Variants in JAKMIP1 observed in about 807,000 individuals in gnomAD.
JAKMIP1 encodes the protein janus kinase and microtubule interacting protein 1, also known as janus kinase and microtubule-interacting protein 1.
A neutral mutation model predicts 113.0 loss-of-function variants in JAKMIP1; 33 were observed. The ratio of observed to expected loss-of-function variants is 0.29; its 90% CI spans 0.22 to 0.39. JAKMIP1 has a LOEUF of 0.39. Ranked by LOEUF, JAKMIP1 falls within the 10% of genes least tolerant of loss-of-function variation. JAKMIP1 has a pLI of 1.00. For synonymous variants in JAKMIP1, 480 were observed against 459.9 expected (o/e 1.04, Z -0.56); for missense variants, 813 against 1,080.5 (o/e 0.75, Z 3.47).
At position 6,197,687 on chromosome 4, in the gene JAKMIP1, C is replaced by A. The variant is rs1172538420; in HGVS notation, c.-148+2566G>T. Among the ~76,000 whole-genome samples the A allele has an allele frequency of 1.3e-5, 2 of 152,190 alleles. No individual in the cohort carries two copies. The highest frequency in any genetic ancestry group is 4.8e-5 in the African/African-American group (2 of 41,436). On this transcript the variant is annotated intron_variant, in intron 1 of 20. Coordinates refer to ENST00000409021, the MANE Select transcript of JAKMIP1 (RefSeq NM_001099433.2). This position sits in a 1 kb window ranked among gnomAD's most constrained non-coding sequence, Gnocchi z 6.5. ...ATCCTCAGACTCCCCAAGGGAAGCCCCCATTTAGTTAGAAAGCCCAGCAGG... is the reference window on the plus strand; with the variant it reads ...ATCCTCAGACTCCCCAAGGGAAGCCACCATTTAGTTAGAAAGCCCAGCAGG...
Position 6,029,799 on chromosome 4 carries a change from AC to A in JAKMIP1, c.2380-19del. ...CGGATTCTCTGAAATACACCAGGTT[AC>A]GTGTCAGAAAAAGTAAGTTTTCCAG... On this transcript the variant is annotated intron_variant, in intron 19 of 20. Transcript: ENST00000409021. The A allele has an allele frequency of 1.9e-6, 3 of 1,571,488 alleles. No individual in the cohort carries two copies. Among genetic ancestry groups the A allele is most frequent in the Non-Finnish European group, 2.6e-6 (3 of 1,149,398 alleles).
At chr4:6,110,982 C>G (rs571434993) in intron 2 of JAKMIP1, among the ~76,000 whole-genome samples, 1 of 152,038 alleles carries the variant, frequency 6.6e-6, no homozygotes, top group South Asian at 2.1e-4. Context: ...GCATCCATGT[C>G]TAAAAGAGGC....
rs1714340243 is a variant in JAKMIP1 at position 6,108,468 on chromosome 4, G to A, written c.130-2501C>T. The stretch of plus-strand genomic sequence containing the variant: ...GCCCTGGGGGTGTGGGGGCTGGCGT[G>A]GAGAAATTATCTGAACCACCAGCAC... On this transcript the variant is annotated intron_variant, in intron 2 of 20. Coordinates refer to ENST00000409021, the MANE Select transcript of JAKMIP1 (RefSeq NM_001099433.2). This position sits in a 1 kb window ranked among gnomAD's most constrained non-coding sequence, Gnocchi z 5.6. Among the ~76,000 whole-genome samples the A allele has an allele frequency of 6.6e-6, 1 of 152,146 alleles. No individual in the cohort carries two copies. The highest frequency in any genetic ancestry group is 6.5e-5 in the Admixed American group (1 of 15,270).
intron 1 of JAKMIP1, among the ~76,000 whole-genome samples, chr4:6,124,413 T>G (rs1204089901): frequency 6.6e-6 from 1 of 152,138 alleles, no homozygotes; most frequent in Non-Finnish European, 1.5e-5. Flanking sequence ...AATCCACAAA[T>G]GGGCCTCAGG....
At chr4:6,096,560 T>C (rs553834079) in intron 3 of JAKMIP1, among the ~76,000 whole-genome samples, 1 of 152,364 alleles carries the variant, frequency 6.6e-6, no homozygotes, top group East Asian at 1.9e-4. Context: ...ACAAATTCAT[T>C]TTCAGATCCC....
rs1719707296 is a variant in JAKMIP1, at chr4:6,139,093, C to CAA, written c.-147-26097_-147-26096insTT. On this transcript the variant is annotated intron_variant, in intron 1 of 20. Coordinates refer to ENST00000409021, the MANE Select transcript of JAKMIP1 (RefSeq NM_001099433.2). The surrounding 1 kb of genome is among the most constrained non-coding windows in gnomAD (Gnocchi z 5.2). ...ACACACACACACACACATATACACA[C>CAA]ACACACACACACCAGCAGGTCAGCC... Among the ~76,000 whole-genome samples, 1 of 150,960 alleles carries CAA rather than the reference C, an allele frequency of 6.6e-6. No homozygotes were observed. The highest frequency in any genetic ancestry group is 1.5e-5 in the Non-Finnish European group (1 of 67,978).
intron 13 of JAKMIP1, 180 bp downstream of exon 13, chr4:6,053,870 C>A: frequency 6.7e-7 from 1 of 1,499,508 alleles, no homozygotes; most frequent in Non-Finnish European, 8.8e-7. Flanking sequence ...CACATTAAGG[C>A]AGTGAAATTA....
chr4:6,177,162 T>C (rs1269762680), intron 1 of JAKMIP1, among the ~76,000 whole-genome samples: 1 of 152,196 alleles, frequency 6.6e-6, no homozygotes, highest in African/African-American at 2.4e-5. Flanking sequence ...AGGGTGTTGG[T>C]AGACAAACGT....
intron 1 of JAKMIP1, among the ~76,000 whole-genome samples, chr4:6,163,099 C>G (rs1329601576): frequency 6.6e-6 from 1 of 152,230 alleles, no homozygotes; most frequent in African/African-American, 2.4e-5. Flanking sequence ...GAGTTCAGAC[C>G]CTGAGGCTCC....
chr4:6,123,793 C>G (rs1717031908), intron 1 of JAKMIP1, among the ~76,000 whole-genome samples: 1 of 152,158 alleles, frequency 6.6e-6, no homozygotes, highest in Non-Finnish European at 1.5e-5. Flanking sequence ...TGCACTCCAG[C>G]CTGGGCGACA....
At chr4:6,077,001 C>T (rs917310749) in intron 8 of JAKMIP1, among the ~76,000 whole-genome samples, 3 of 152,056 alleles carry the variant, frequency 2.0e-5, no homozygotes, top group South Asian at 2.1e-4. Context: ...TTTTGGATTA[C>T]GGATGTTCAA....
At chr4:6,102,965 A>C (rs61507462) in intron 3 of JAKMIP1, among the ~76,000 whole-genome samples, 66,383 of 150,368 alleles carry the variant, frequency 0.44, 16,935 homozygotes, top group East Asian at 0.75. Context: ...AATCTCCTAA[A>C]CTCGTGATCT....
In JAKMIP1 at chr4:6,193,134, C is replaced by T. The variant is rs981510414; in HGVS notation, c.-148+7119G>A. On this transcript the variant is annotated intron_variant, in intron 1 of 20. Transcript: ENST00000409021. The surrounding 1 kb of genome is among the most constrained non-coding windows in gnomAD (Gnocchi z 6.4). ...CTTCTGGCCCCATCTTTCTCCCATG[C>T]TGGATGCTTCCTGCCCTCGGACATC... 4.6e-5 allele frequency among the ~76,000 whole-genome samples: 7 copies of T among 152,154 alleles called. No individual in the cohort carries two copies. Among genetic ancestry groups the T allele is most frequent in the African/African-American group, 1.7e-4 (7 of 41,432 alleles).
In JAKMIP1 at chr4:6,194,071, C is replaced by A. The variant is rs1209627226; in HGVS notation, c.-148+6182G>T. Among the ~76,000 whole-genome samples the A allele has an allele frequency of 6.6e-6, 1 of 152,016 alleles. No homozygotes were observed. Among genetic ancestry groups the A allele is most frequent in the East Asian group, 1.9e-4 (1 of 5,150 alleles). On this transcript the variant is annotated intron_variant, in intron 1 of 20. Coordinates refer to ENST00000409021, the MANE Select transcript of JAKMIP1 (RefSeq NM_001099433.2). This position sits in a 1 kb window ranked among gnomAD's most constrained non-coding sequence, Gnocchi z 7.4. Reference sequence around the variant, plus strand: ...AGCCACATACGATCTGGTTCTACATCTGTGAAATATCCAGAACAGGCAAAT... The same window carrying A: ...AGCCACATACGATCTGGTTCTACATATGTGAAATATCCAGAACAGGCAAAT...
intron 16 of JAKMIP1, among the ~76,000 whole-genome samples, chr4:6,047,423 G>C (rs956156909): frequency 4.6e-5 from 7 of 152,232 alleles, no homozygotes; most frequent in African/African-American, 1.7e-4. Flanking sequence ...GGAAAGGAAG[G>C]TGCTGAATAT....
rs560156381 is a variant in JAKMIP1 at position 6,042,259 on chromosome 4, C to T, written c.2029-32G>A. The T allele has an allele frequency of 1.9e-6, 3 of 1,582,580 alleles. No individual in the cohort carries two copies. Among genetic ancestry groups the T allele is most frequent in the African/African-American group, 2.7e-5 (2 of 74,186 alleles). On this transcript the variant is annotated intron_variant, in intron 16 of 20. Coordinates refer to ENST00000409021, the MANE Select transcript of JAKMIP1 (RefSeq NM_001099433.2). The surrounding 1 kb of genome is among the most constrained non-coding windows in gnomAD (Gnocchi z 5.2). ...AACAGCAGGGACAGGACGGGTGCAG[C>T]AAAGTGAGAGTCAGAACCCAAGGGG...
rs1725686834 is a variant in JAKMIP1, at chr4:6,178,735, C to T, written c.-148+21518G>A. Among the ~76,000 whole-genome samples, 1 of 152,148 alleles carries T rather than the reference C, an allele frequency of 6.6e-6. No individual in the cohort carries two copies. The highest frequency in any genetic ancestry group is 1.5e-5 in the Non-Finnish European group (1 of 68,026). ...CCCGTCACAGGTATGTCTTTATTAG[C>T]AATGTGAGGACAGACTAATATACCC... On this transcript the variant is annotated intron_variant, in intron 1 of 20. Coordinates refer to ENST00000409021, the MANE Select transcript of JAKMIP1 (RefSeq NM_001099433.2). The surrounding 1 kb of genome is among the most constrained non-coding windows in gnomAD (Gnocchi z 5.5).
chr4:6,199,931 G>A lies in JAKMIP1; in HGVS notation c.-148+322C>T, dbSNP rs1175630764. On this transcript the variant is annotated intron_variant, in intron 1 of 20. Transcript: ENST00000409021. The surrounding 1 kb of genome is among the most constrained non-coding windows in gnomAD (Gnocchi z 5.6). ...CCGGAGAAGAGTGGAAATAGGGGTG[G>A]CGTGAAGGAGAGCTGGGGGCTGGGG... Among the ~76,000 whole-genome samples, 1 of 150,996 alleles carries A rather than the reference G, an allele frequency of 6.6e-6. No homozygotes were observed. Among genetic ancestry groups the A allele is most frequent in the Non-Finnish European group, 1.5e-5 (1 of 67,568 alleles).
chr4:6,148,631 A>G (rs369349577), intron 1 of JAKMIP1, among the ~76,000 whole-genome samples: 6 of 152,360 alleles, frequency 3.9e-5, no homozygotes, highest in Admixed American at 2.0e-4. Flanking sequence ...ACAGGAGCAG[A>G]GGAAGAAGGG....
Sources: gnomAD v4.1 joint callset for allele counts (sites outside exome capture counted in the v4.1 genomes callset) on GRCh38, gnomAD v4.1.1 for gene constraint, Gnocchi (gnomAD v3.1) non-coding constraint, MANE v1.5 for transcripts, NCBI Gene and HGNC (gene_info 2026-07-23, HGNC 2026-07-21) for gene names.